ATP2B2: variants seen among roughly 807,000 people sequenced by gnomAD.
The protein encoded by ATP2B2 is ATPase plasma membrane Ca2+ transporting 2.
A neutral mutation model predicts 120.0 loss-of-function variants in ATP2B2; 15 were observed. The ratio of observed to expected loss-of-function variants is 0.12; its 90% CI spans 0.08 to 0.19. The LOEUF is 0.19. ATP2B2 is among the 10% of genes least tolerant of loss of function. The pLI, the probability that ATP2B2 is intolerant of heterozygous loss-of-function variation, is 1.00. For missense variants in ATP2B2, 1,045 were observed against 1,719.8 expected, an observed-to-expected ratio of 0.61 and a Z score of 6.94; for synonymous variants, 694 against 700.3, an observed-to-expected ratio of 0.99 and a Z score of 0.14.
At chr3:10,332,054 A>G (rs1355209229) in intron 22 of ATP2B2, 2 of 1,549,510 alleles carry the variant, frequency 1.3e-6, no homozygotes, top group Non-Finnish European at 1.7e-6. Flanking sequence ...AAACAAACAC[A>G]TGGAATATTC....
chr3:10,493,736 C>A (rs2066026178), intron 1 of ATP2B2, among the ~76,000 whole-genome samples: 2 of 152,160 alleles, frequency 1.3e-5, no homozygotes. Flanking sequence ...TGAAAACAAA[C>A]ACAAACACAA....
At position 10,536,164 on chromosome 3, in the gene ATP2B2, A is replaced by G. The variant is rs980952866; in HGVS notation, c.-414-2031T>C. Among the ~76,000 whole-genome samples, 3 of 152,224 alleles carry G rather than the reference A, an allele frequency of 2.0e-5. 1 individual carries two copies. The highest frequency in any genetic ancestry group is 6.8e-3 in the Middle Eastern group (2 of 294). On this transcript the variant is annotated intron_variant, in intron 2 of 21. Transcript: ENST00000646379. ...CTTTTCACGTGCTTATTTGTCATCTATATATACTCTTTGTTGAGATGTCTT... is the reference window on the plus strand; with the variant it reads ...CTTTTCACGTGCTTATTTGTCATCTGTATATACTCTTTGTTGAGATGTCTT...
intron 2 of ATP2B2, among the ~76,000 whole-genome samples, chr3:10,429,269 A>C (rs2063237587): frequency 6.6e-6 from 1 of 152,174 alleles, no homozygotes; most frequent in Non-Finnish European, 1.5e-5. Context: ...TTTCCCATTT[A>C]CAGGCACACC....
chr3:10,479,208 C>CTCCTGCCCACTTT (rs141404018), intron 1 of ATP2B2, among the ~76,000 whole-genome samples: 20,654 of 151,870 alleles, frequency 0.14, 1,974 homozygotes, highest in East Asian at 0.41. Flanking sequence ...TCACAGCATC[C>CTCCTGCCCACTTT]TCCTGCCCAC....
At chr3:10,381,856 T>C (rs895958535) in intron 8 of ATP2B2, among the ~76,000 whole-genome samples, 2 of 152,196 alleles carry the variant, frequency 1.3e-5, no homozygotes, top group African/African-American at 4.8e-5. Flanking sequence ...GTGCATGGAT[T>C]GGGAGGATTC....
At chr3:10,439,970 G>C (rs1373474916) in intron 2 of ATP2B2, among the ~76,000 whole-genome samples, 1 of 151,988 alleles carries the variant, frequency 6.6e-6, no homozygotes, top group African/African-American at 2.4e-5. Flanking sequence ...GGGCATGGTG[G>C]CACATGCCTG....
rs184837563 is a variant in ATP2B2, at chr3:10,420,328, C to T, written c.200-9513G>A. Among the ~76,000 whole-genome samples, 279 of 150,502 alleles carry T rather than the reference C, an allele frequency of 1.9e-3. 2 individuals are homozygous for T. The highest frequency in any genetic ancestry group is 6.3e-3 in the African/African-American group (260 of 41,024). On this transcript the variant is annotated intron_variant, in intron 2 of 22. Coordinates refer to ENST00000360273, the MANE Select transcript of ATP2B2 (RefSeq NM_001001331.4). ...CTCCTTCCAGCTCTGTGACCTTGGG[C>T]GGGTAACTTCCCCTCTCTGTGTCTT...
chr3:10,473,395 G>A (rs1374324644), intron 1 of ATP2B2, among the ~76,000 whole-genome samples: 8 of 152,234 alleles, frequency 5.3e-5, no homozygotes. Flanking sequence ...ACTTTGGGAG[G>A]CGGAGGCAGG....
rs560601702 is a variant in ATP2B2, at chr3:10,545,730, G to A, written c.-414-11597C>T. ...ATGGTGTTCTCTTATTGTTAGCGGT[G>A]GTTTTTTTAAATCATGGCAACAATT... is the stretch of plus-strand genomic sequence containing the variant. On this transcript the variant is annotated intron_variant, in intron 2 of 21. Transcript: ENST00000646379. Among the ~76,000 whole-genome samples, 12 of 152,150 alleles carry A rather than the reference G, an allele frequency of 7.9e-5. 1 individual carries two copies. In the South Asian group the frequency reaches 2.5e-3, roughly 32 times the overall value.
chr3:10,688,616 T>C (rs914575544), intron 1 of ATP2B2, among the ~76,000 whole-genome samples: 2 of 152,094 alleles, frequency 1.3e-5, no homozygotes, highest in African/African-American at 4.8e-5. Context: ...GAAAATTTGC[T>C]CTCAGACAGG....
rs1242460852 is a variant in ATP2B2 at position 10,355,858 on chromosome 3, G to GT, written c.2136+2832_2136+2833insA. Among the ~76,000 whole-genome samples the GT allele has an allele frequency of 3.1e-3, 192 of 60,994 alleles. 73 individuals are homozygous for GT. In the East Asian group the frequency reaches 0.36, roughly 116 times the overall value. The allele number at this position is 60,994 out of a possible 152,430, so 40.0% of individuals were successfully genotyped here. Reference sequence around the variant, plus strand: ...GGAGGCCGAGGCGGGCGGATCACGAGGTCAGGAGATCGAGACCATCCTGGC... The same window carrying GT: ...GGAGGCCGAGGCGGGCGGATCACGAGTGTCAGGAGATCGAGACCATCCTGGC... On this transcript the variant is annotated intron_variant, in intron 14 of 22. Coordinates refer to ENST00000360273, the MANE Select transcript of ATP2B2 (RefSeq NM_001001331.4).
At chr3:10,426,852 C>CG (rs1313892315) in intron 2 of ATP2B2, among the ~76,000 whole-genome samples, 3 of 6,050 alleles carry the variant, frequency 5.0e-4, no homozygotes. Flanking sequence ...AAGAATTTTG[C>CG]GGGGGATAGG....
At chr3:10,589,190 C>G (rs2068584705) in intron 2 of ATP2B2, among the ~76,000 whole-genome samples, 1 of 152,198 alleles carries the variant, frequency 6.6e-6, no homozygotes, top group African/African-American at 2.4e-5. Context: ...ACTCCAGCCA[C>G]TCCCATTTGC....
At chr3:10,574,900 G>A (rs569875357) in intron 2 of ATP2B2, among the ~76,000 whole-genome samples, 2 of 152,126 alleles carry the variant, frequency 1.3e-5, no homozygotes, top group African/African-American at 4.8e-5. Flanking sequence ...TGGGATTCTT[G>A]GGTTTGTCTG....
chr3:10,629,749 C>T (rs2069812000), intron 1 of ATP2B2, among the ~76,000 whole-genome samples: 1 of 152,242 alleles, frequency 6.6e-6, no homozygotes, highest in Non-Finnish European at 1.5e-5. Flanking sequence ...TCTCCGCAAG[C>T]CCTCTTTATT....
intron 1 of ATP2B2, among the ~76,000 whole-genome samples, chr3:10,667,304 G>A (rs1037313926): frequency 1.3e-5 from 2 of 152,224 alleles, no homozygotes; most frequent in Non-Finnish European, 2.9e-5. Flanking sequence ...GTGAGCAGTG[G>A]TGGGGAATTT....
At chr3:10,415,610 G>A (rs1295395826) in intron 2 of ATP2B2, among the ~76,000 whole-genome samples, 1 of 152,186 alleles carries the variant, frequency 6.6e-6, no homozygotes, top group African/African-American at 2.4e-5. Context: ...CCCTTCCCAG[G>A]AGCTGAATCT....
chr3:10,456,380 G>T (rs1285877665), intron 1 of ATP2B2, among the ~76,000 whole-genome samples: 2 of 152,198 alleles, frequency 1.3e-5, no homozygotes, highest in Non-Finnish European at 2.9e-5. Context: ...AGTCTGGTCT[G>T]AAGATCCCCA....
At chr3:10,620,744 G>A (rs564339772) in intron 1 of ATP2B2, among the ~76,000 whole-genome samples, 6 of 152,178 alleles carry the variant, frequency 3.9e-5, no homozygotes, top group South Asian at 2.1e-4. Context: ...CTTCTCTCCC[G>A]GTCACTCTAT....
Sources: allele counts gnomAD v4.1 joint callset (sites outside exome capture counted in the v4.1 genomes callset), GRCh38; gene constraint gnomAD v4.1.1; transcripts MANE v1.5; gene names NCBI Gene and HGNC (gene_info 2026-07-23, HGNC 2026-07-21).